Variants in UBE2G1 observed in about 807,000 individuals in gnomAD.
UBE2G1 encodes the protein ubiquitin-conjugating enzyme E2 G1.
In UBE2G1, 5 loss-of-function variants were observed where a neutral mutation model predicts 22.7. That is an observed-to-expected ratio of 0.22 (90% CI 0.12 to 0.46). UBE2G1 has a LOEUF of 0.46. Ranked by LOEUF, UBE2G1 falls within the 20% of genes least tolerant of loss-of-function variation. The pLI, the probability that UBE2G1 is intolerant of heterozygous loss-of-function variation, is 0.99. For missense variants in UBE2G1, 88 were observed against 203.9 expected (o/e 0.43, Z 3.46); for synonymous variants, 74 against 67.5 (o/e 1.10, Z -0.47).
intron 3 of UBE2G1, among the ~76,000 whole-genome samples, chr17:4,293,049 G>A (rs1369936989): frequency 6.6e-6 from 1 of 152,096 alleles, no homozygotes. Context: ...TATGTCTACA[G>A]AGTTGTACAA....
At chr17:4,358,571 A>G (rs767670622) in intron 1 of UBE2G1, among the ~76,000 whole-genome samples, 1 of 152,198 alleles carries the variant, frequency 6.6e-6, no homozygotes, top group Non-Finnish European at 1.5e-5. Context: ...TCCTCTTAAC[A>G]GTCTTTAATC....
chr17:4,289,030 C>T (rs533959966), intron 4 of UBE2G1, among the ~76,000 whole-genome samples, 200 bp downstream of exon 4: 1 of 150,836 alleles, frequency 6.6e-6, no homozygotes, highest in Non-Finnish European at 1.5e-5. Context: ...ACAGAGAGAC[C>T]CTGTCTCAAA....
At chr17:4,316,348 A>C (rs188798680) in intron 1 of UBE2G1, among the ~76,000 whole-genome samples, 2 of 152,118 alleles carry the variant, frequency 1.3e-5, no homozygotes, top group African/African-American at 4.8e-5. Flanking sequence ...AGACCCCTTT[A>C]CCCAAACAGT....
intron 1 of UBE2G1, among the ~76,000 whole-genome samples, chr17:4,325,113 CAA>C (rs879457194): frequency 7.0e-6 from 1 of 142,498 alleles, no homozygotes; most frequent in African/African-American, 2.6e-5. Flanking sequence ...AAACAAAAAA[CAA>C]AAAAAAAAAG....
chr17:4,279,198 C>T (rs912429606), intron 5 of UBE2G1, among the ~76,000 whole-genome samples: 1 of 151,636 alleles, frequency 6.6e-6, no homozygotes, highest in South Asian at 2.1e-4. Flanking sequence ...TTGCTTGAAC[C>T]TGGGAGGCGG....
chr17:4,289,619 T>C (rs1343989385), intron 3 of UBE2G1, among the ~76,000 whole-genome samples: 1 of 152,152 alleles, frequency 6.6e-6, no homozygotes, highest in African/African-American at 2.4e-5. Flanking sequence ...ACAAACCCAA[T>C]AGGAATACAA....
At chr17:4,280,239 G>A (rs1393856486) in intron 5 of UBE2G1, among the ~76,000 whole-genome samples, 1 of 149,178 alleles carries the variant, frequency 6.7e-6, no homozygotes, top group Non-Finnish European at 1.5e-5. Context: ...GTTTCACCAT[G>A]TTGGCCAGGC....
intron 1 of UBE2G1, among the ~76,000 whole-genome samples, chr17:4,356,303 A>G (rs1253210797): frequency 6.6e-6 from 1 of 151,904 alleles, no homozygotes. Context: ...GGTTGCAGTG[A>G]GCCGAGATGG....
intron 1 of UBE2G1, among the ~76,000 whole-genome samples, chr17:4,365,162 G>C (rs1243380423): frequency 6.6e-6 from 1 of 152,188 alleles, no homozygotes; most frequent in African/African-American, 2.4e-5. Context: ...TTCTGCTGAG[G>C]GCTAGAGGCT....
intron 1 of UBE2G1, among the ~76,000 whole-genome samples, chr17:4,342,807 G>C (rs188299365): frequency 6.6e-6 from 1 of 152,136 alleles, no homozygotes; most frequent in African/African-American, 2.4e-5. Context: ...AAACCTCACG[G>C]GTACCTCACT....
chr17:4,361,785 C>A (rs1969970685), intron 1 of UBE2G1, among the ~76,000 whole-genome samples: 1 of 151,510 alleles, frequency 6.6e-6, no homozygotes. Context: ...ACTAAAAATA[C>A]AAAAAATAAG....
chr17:4,330,234 T>G (rs1007247582), intron 1 of UBE2G1, among the ~76,000 whole-genome samples: 1 of 152,074 alleles, frequency 6.6e-6, no homozygotes, highest in South Asian at 2.1e-4. Context: ...ATCTAAATGA[T>G]CCACAGATTT....
intron 3 of UBE2G1, among the ~76,000 whole-genome samples, chr17:4,292,850 T>C (rs1219703209): frequency 6.6e-6 from 1 of 152,252 alleles, no homozygotes; most frequent in African/African-American, 2.4e-5. Context: ...CTTAAGCTCA[T>C]TGCTGAACCC....
chr17:4,301,439 T>A (rs1240920192), intron 2 of UBE2G1: 2 of 692,214 alleles, frequency 2.9e-6, no homozygotes, highest in Non-Finnish European at 5.4e-6. Context: ...TATTGATGTG[T>A]TTCCTTGGCT....
intron 3 of UBE2G1, among the ~76,000 whole-genome samples, chr17:4,294,415 C>CAAAAAAAAAA (rs68047533): frequency 1.7e-5 from 2 of 117,174 alleles, no homozygotes; most frequent in African/African-American, 8.8e-5. Flanking sequence ...GACTCCGTCT[C>CAAAAAAAAAA]AAAAAAAAAA....
At chr17:4,301,742 G>A in intron 2 of UBE2G1, 1 of 647,988 alleles carries the variant, frequency 1.5e-6, no homozygotes, top group Non-Finnish European at 3.0e-6. Context: ...GGTGGGGAGT[G>A]CTCAGCAGTT....
intron 1 of UBE2G1, among the ~76,000 whole-genome samples, chr17:4,347,841 T>C (rs1462842506): frequency 6.6e-6 from 1 of 152,062 alleles, no homozygotes; most frequent in Non-Finnish European, 1.5e-5. Context: ...GTTTTTCTAT[T>C]ATAATTGTTT....
chr17:4,309,522 A>AT, intron 1 of UBE2G1, among the ~76,000 whole-genome samples: 1 of 152,384 alleles, frequency 6.6e-6, no homozygotes, highest in African/African-American at 2.4e-5. Context: ...TTATGCACGC[A>AT]TATGTGTACT....
chr17:4,350,957 C>CT, intron 1 of UBE2G1, among the ~76,000 whole-genome samples: 1 of 149,794 alleles, frequency 6.7e-6, no homozygotes, highest in Non-Finnish European at 1.5e-5. Flanking sequence ...GGCGTGAACT[C>CT]GGGAGGCAGA....
Sources: allele counts gnomAD v4.1 joint callset (sites outside exome capture counted in the v4.1 genomes callset), GRCh38; gene constraint gnomAD v4.1.1; transcripts MANE v1.5; gene names NCBI Gene and HGNC (gene_info 2026-07-23, HGNC 2026-07-21).